Variants in TAF6 observed in about 807,000 individuals in gnomAD.
TAF6 encodes TATA-box binding protein associated factor 6.
In TAF6, 50 loss-of-function variants were observed where a neutral mutation model predicts 73.5. The observed-to-expected ratio is 0.68, with a 90% CI of 0.54 to 0.86. The LOEUF (loss-of-function observed/expected upper bound fraction) is 0.86, where lower values mean the gene tolerates loss of function less well. Ranked by LOEUF, TAF6 falls within the 40% of genes least tolerant of loss-of-function variation. The pLI, the probability that TAF6 is intolerant of heterozygous loss-of-function variation, is 0.00. For synonymous variants in TAF6, 424 were observed against 376.7 expected (o/e 1.13, Z -1.45); for missense variants, 768 against 899.5 (o/e 0.85, Z 1.87).
Position 100,107,322 on chromosome 7 carries a change from C to T in TAF6, c.1958G>A (p.Ser653Asn), listed in dbSNP as rs1796620218. 4 of 1,536,202 alleles carry T rather than the reference C, an allele frequency of 2.6e-6. No homozygotes were observed. Among genetic ancestry groups the T allele is most frequent in the Admixed American group, 2.1e-5 (1 of 48,474 alleles). Residue 653 changes from serine (S) to asparagine (N), a missense_variant, in exon 15 of 15, where the codon AGT becomes AAT. This residue lies in a region of TAF6 where 350 missense variants were observed against 352.3 expected (regional missense o/e 0.99). Coordinates refer to ENST00000453269, the MANE Select transcript of TAF6 (RefSeq NM_139315.3). ...LCGGKQEAGD[S>N]PPPAPGTPKA... ...TGGAGTCCCTGGAGCTGGAGGGGGA[C>T]TGTCCCCAGCCTCCTGCTTCCCCCC...
At chr7:100,123,391 G>A (rs548904312), upstream of TAF6, among the ~76,000 whole-genome samples, 27 of 152,054 alleles carry the variant, frequency 1.8e-4, no homozygotes, top group Middle Eastern at 3.4e-3. Context: ...ATAATGAGCC[G>A]GGTGGAGTGG....
upstream of TAF6, chr7:100,124,716 C>T (rs1464455071): frequency 6.2e-7 from 1 of 1,613,718 alleles, no homozygotes; most frequent in Admixed American, 1.7e-5. Context: ...TTTCTGTCAT[C>T]CGATCTAGCA....
Position 100,110,256 on chromosome 7 carries a change from T to C in TAF6, c.1102A>G (p.Thr368Ala), listed in dbSNP as rs1174418937. The part of the protein sequence containing the change: ...TFTKSWVDEK[T>A]PWTTRYGSIA... ...GAGCCATAACGAGTCGTCCAGGGCGTCTTCTCGTCCACCCAGCTCTGTAAG... is the reference window on the plus strand; with the variant it reads ...GAGCCATAACGAGTCGTCCAGGGCGCCTTCTCGTCCACCCAGCTCTGTAAG... Residue 368 changes from threonine to alanine, a missense_variant, in exon 11 of 15, where the codon ACG becomes GCG. Physicochemically the swap from Thr to Ala is moderately conservative, Grantham distance 58 (BLOSUM62 0). Coordinates refer to ENST00000453269, the MANE Select transcript of TAF6 (RefSeq NM_139315.3). 4.3e-6 allele frequency: 7 copies of C among 1,614,094 alleles called. No individual in the cohort carries two copies. The highest frequency in any genetic ancestry group is 1.3e-5 in the African/African-American group (1 of 75,026).
chr7:100,108,204 G>T, intron 13 of TAF6, 81 bp from the exon 14 acceptor site: 1 of 1,474,236 alleles, frequency 6.8e-7, no homozygotes, highest in South Asian at 1.3e-5. Context: ...GGCTCCCCTC[G>T]CTCTTCCTCA....
In TAF6 at chr7:100,114,058, G is replaced by T; in HGVS notation, c.152C>A (p.Ala51Glu). ...DEVSYRIKEI[A>E]QDALKFMHMG... ...TGGACAGAAGGGCCGGGTCACCTGT[G>T]CGATCTCTTTGATGCGGTAGCTGAC... The change falls in exon 2 of 15, where the codon GCA becomes GAA. Residue 51 changes from alanine (A) to glutamate (E), a missense_variant. Ala to Glu is a moderately radical substitution (Grantham distance 107). Coordinates refer to ENST00000453269, the MANE Select transcript of TAF6 (RefSeq NM_139315.3). 1 of 1,614,120 alleles carries T rather than the reference G, an allele frequency of 6.2e-7. No homozygotes were observed. Among genetic ancestry groups the T allele is most frequent in the Non-Finnish European group, 8.5e-7 (1 of 1,179,970 alleles).
At chr7:100,124,652 C>A, upstream of TAF6, 2 of 1,611,522 alleles carry the variant, frequency 1.2e-6, no homozygotes, top group Admixed American at 1.7e-5. Context: ...GGGTTGAACT[C>A]CTCTCCTGCC....
chr7:100,118,832 G>A, intron 1 of TAF6: 5 of 984,802 alleles, frequency 5.1e-6, no homozygotes, highest in Non-Finnish European at 6.0e-6. Context: ...TCTCCTCCCC[G>A]ACTTTTATAA....
At chr7:100,107,769 T>C (rs1240254589) in intron 14 of TAF6, 146 bp from the exon 15 acceptor site, 1 of 1,403,716 alleles carries the variant, frequency 7.1e-7, no homozygotes, top group Non-Finnish European at 9.5e-7. Flanking sequence ...ACCTTGTTCA[T>C]GCAGGGCAGC....
upstream of TAF6, chr7:100,119,416 C>T (rs570895113): frequency 4.2e-5 from 50 of 1,180,654 alleles, no homozygotes; most frequent in Admixed American, 9.6e-5. Context: ...CTTCCCCGTA[C>T]CAGAATAAGT....
At chr7:100,119,916 T>C (rs1261027033), upstream of TAF6, 7 of 1,501,720 alleles carry the variant, frequency 4.7e-6, no homozygotes, top group African/African-American at 8.4e-5. Flanking sequence ...CTCCTTCTTC[T>C]AGGCCGGACA....
At chr7:100,124,305 C>G, upstream of TAF6, 7 of 533,638 alleles carry the variant, frequency 1.3e-5, no homozygotes, top group Non-Finnish European at 2.4e-5. Flanking sequence ...AGGCAAGGAG[C>G]TGAGACTCAA....
upstream of TAF6, chr7:100,120,128 C>G (rs1230544493): frequency 2.7e-6 from 1 of 370,010 alleles, no homozygotes; most frequent in African/African-American, 2.1e-5. Context: ...GTTCAGGGAC[C>G]ATCGGCCCGG....
Position 100,108,119 on chromosome 7 carries a change from C to T in TAF6, c.1463G>A (p.Arg488Gln), listed in dbSNP as rs975869457. The part of the protein sequence containing the change: ...NRTTLTITQP[R>Q]PTLTLSQAPQ... ...GGCCTGCGAGAGGGTCAGCGTGGGC[C>T]GGGGCTGCGGGGAGAAGAGGAAAGG... Residue 488 changes from arginine (R) to glutamine (Q), a missense_variant, in exon 14 of 15, where the codon CGG becomes CAG. Arg to Gln is a conservative substitution (Grantham distance 43). Around this residue, in one of 5 missense-constraint regions of TAF6, gnomAD observed 350 missense variants for 352.3 expected, o/e 0.99. Transcript: ENST00000453269. 1.3e-6 allele frequency: 2 copies of T among 1,594,884 alleles called. No individual in the cohort carries two copies. Among genetic ancestry groups the T allele is most frequent in the Admixed American group, 1.8e-5 (1 of 55,648 alleles).
upstream of TAF6, chr7:100,121,110 A>ATTTT (rs1798036782): frequency 9.9e-4 from 28 of 28,394 alleles, no homozygotes; most frequent in Non-Finnish European, 1.7e-3. Context: ...ATATATATAT[A>ATTTT]TATATATTTT....
chr7:100,114,278 G>A lies in TAF6; in HGVS notation c.-59-10C>T. On this transcript the variant is annotated splice_polypyrimidine_tract_variant and intron_variant, in intron 1 of 14. Coordinates refer to ENST00000453269, the MANE Select transcript of TAF6 (RefSeq NM_139315.3). ...TGGAGAGACGGAGACCCTGGCAGAG[G>A]AACGGGGCAGGCAGAAGAAAAAGAA... is the stretch of plus-strand genomic sequence containing the variant. The A allele has an allele frequency of 1.2e-6, 2 of 1,611,492 alleles. No individual in the cohort carries two copies. Among genetic ancestry groups the A allele is most frequent in the Non-Finnish European group, 1.7e-6 (2 of 1,179,842 alleles).
At chr7:100,124,874 C>A in the TAF6 span, 2 of 1,597,850 alleles carry the variant, frequency 1.3e-6, no homozygotes, top group South Asian at 1.1e-5. Context: ...CAAACTTGAC[C>A]GAGAAGATCT....
rs558881534 is a variant in TAF6, at chr7:100,110,241, G to A, written c.1117C>T (p.Arg373Cys). ...GCCAAGCCTGCGATGGAGCCATAAC[G>A]AGTCGTCCAGGGCGTCTTCTCGTCC... The part of the protein sequence containing the change: ...WVDEKTPWTT[R>C]YGSIAGLAEL... The change falls in exon 11 of 15, where the codon CGT becomes TGT. Residue 373 changes from arginine (R) to cysteine (C), a missense_variant. Transcript: ENST00000453269. 22 of 1,614,096 alleles carry A rather than the reference G, an allele frequency of 1.4e-5. 1 individual carries two copies. The South Asian group carries it at 1.8e-4, about 13-fold the overall frequency.
At chr7:100,112,762 C>A in intron 6 of TAF6, 36 bp downstream of exon 6, 1 of 1,555,490 alleles carries the variant, frequency 6.4e-7, no homozygotes, top group Non-Finnish European at 8.7e-7. Context: ...TGGCTTTGGG[C>A]AAGAGTCCAG....
rs751394879 is a variant in TAF6 at position 100,113,962 on chromosome 7, C to A, written c.157-8G>T. On this transcript the variant is annotated splice_region_variant and splice_polypyrimidine_tract_variant and intron_variant, in intron 2 of 14. Coordinates refer to ENST00000453269, the MANE Select transcript of TAF6 (RefSeq NM_139315.3). The stretch of plus-strand genomic sequence containing the variant: ...CATGAACTTCAAGGCATCCTGGGGT[C>A]GGTGACAGAACAGACATCAGCCCAA... The A allele has an allele frequency of 6.2e-7, 1 of 1,613,916 alleles. No individual in the cohort carries two copies. The highest frequency in any genetic ancestry group is 1.3e-5 in the African/African-American group (1 of 74,884).
Sources: allele counts gnomAD v4.1 joint callset (sites outside exome capture counted in the v4.1 genomes callset), GRCh38; gene constraint gnomAD v4.1.1; regional missense constraint gnomAD v4.1.1; transcripts MANE v1.5; gene names NCBI Gene and HGNC (gene_info 2026-07-23, HGNC 2026-07-21).